RGS7: variants seen among roughly 807,000 people sequenced by gnomAD.
The protein encoded by RGS7 is regulator of G protein signaling 7.
RGS7 carries 27 observed loss-of-function variants against 81.1 expected under a neutral mutation model. The ratio of observed to expected loss-of-function variants is 0.33; its 90% CI spans 0.25 to 0.46. The LOEUF is 0.46. Among genes scored for constraint, RGS7 ranks in the 20% least tolerant of loss-of-function variants. The pLI is 1.00. For missense variants in RGS7, 396 were observed against 607.4 expected, an observed-to-expected ratio of 0.65 and a Z score of 3.66; for synonymous variants, 208 against 207.7, an observed-to-expected ratio of 1.00 and a Z score of -0.01.
At chr1:240,823,288 C>A (rs992239081) in intron 10 of RGS7, 63 of 618,574 alleles carry the variant, frequency 1.0e-4, no homozygotes, top group Non-Finnish European at 1.8e-4. Context: ...ACTGGCCCAA[C>A]CATAATAAAT....
intron 6 of RGS7, among the ~76,000 whole-genome samples, chr1:240,915,365 T>G (rs546786469): frequency 1.6e-4 from 24 of 152,300 alleles, no homozygotes; most frequent in African/African-American, 5.3e-4. Context: ...ACTGTGGGAC[T>G]GGGTCCTAAT....
At chr1:241,207,177 C>T (rs1043614293) in intron 2 of RGS7, among the ~76,000 whole-genome samples, 6 of 151,316 alleles carry the variant, frequency 4.0e-5, no homozygotes, top group African/African-American at 1.5e-4. Flanking sequence ...CCGTGTTAGC[C>T]AGGTTGGTCT....
At chr1:241,250,687 C>T (rs2076786863) in intron 2 of RGS7, among the ~76,000 whole-genome samples, 2 of 152,160 alleles carry the variant, frequency 1.3e-5, no homozygotes, top group South Asian at 2.1e-4. Flanking sequence ...GGCCTCTTGA[C>T]AAATGACTGT....
intron 2 of RGS7, among the ~76,000 whole-genome samples, chr1:241,344,298 A>G (rs1256039514): frequency 6.6e-6 from 1 of 152,230 alleles, no homozygotes; most frequent in Non-Finnish European, 1.5e-5. Context: ...TAAACAAAAT[A>G]TCAAGCCACT....
At chr1:241,276,402 A>G (rs1223685800) in intron 2 of RGS7, among the ~76,000 whole-genome samples, 4 of 152,260 alleles carry the variant, frequency 2.6e-5, no homozygotes, top group Non-Finnish European at 1.5e-5. Flanking sequence ...ACAACCATTC[A>G]TAGGCAGAGA....
At chr1:241,033,998 A>G (rs1380131096) in intron 3 of RGS7, among the ~76,000 whole-genome samples, 1 of 152,234 alleles carries the variant, frequency 6.6e-6, no homozygotes, top group Non-Finnish European at 1.5e-5. Flanking sequence ...TCCCACAATT[A>G]TTTGACCAAG....
chr1:240,980,829 C>G (rs1274016487), intron 4 of RGS7, among the ~76,000 whole-genome samples: 1 of 152,140 alleles, frequency 6.6e-6, no homozygotes, highest in Non-Finnish European at 1.5e-5. Flanking sequence ...AAATCAGAAA[C>G]TAATTTTTCA....
intron 6 of RGS7, among the ~76,000 whole-genome samples, chr1:240,893,063 C>T (rs538312436): frequency 6.6e-5 from 10 of 151,892 alleles, no homozygotes; most frequent in Admixed American, 2.0e-4. Flanking sequence ...GAACTAGGAA[C>T]GCTAAGATAA....
At chr1:241,253,360 A>G (rs1183886676) in intron 2 of RGS7, among the ~76,000 whole-genome samples, 1 of 152,208 alleles carries the variant, frequency 6.6e-6, no homozygotes, top group Non-Finnish European at 1.5e-5. Context: ...GTGGGGTTTT[A>G]TTCTACGTAG....
At chr1:240,979,977 T>C (rs1399084755) in intron 4 of RGS7, among the ~76,000 whole-genome samples, 2 of 152,200 alleles carry the variant, frequency 1.3e-5, no homozygotes, top group Admixed American at 1.3e-4. Flanking sequence ...TAGAAAGATA[T>C]ATTTTATAAA....
At chr1:241,306,107 ATTCT>A (rs753316319) in intron 2 of RGS7, among the ~76,000 whole-genome samples, 5 of 146,304 alleles carry the variant, frequency 3.4e-5, no homozygotes, top group Admixed American at 1.4e-4. Context: ...GAGTAGCTAT[ATTCT>A]TTCTCTCATC....
intron 2 of RGS7, among the ~76,000 whole-genome samples, chr1:241,247,768 A>G (rs1355149604): frequency 1.3e-5 from 2 of 152,230 alleles, no homozygotes; most frequent in Non-Finnish European, 2.9e-5. Context: ...GAAAATAATT[A>G]TAAGATATAT....
chr1:241,084,513 G>GA (rs2063322305), intron 3 of RGS7, among the ~76,000 whole-genome samples: 1 of 152,040 alleles, frequency 6.6e-6, no homozygotes, highest in Non-Finnish European at 1.5e-5. Context: ...GAACAGTGAG[G>GA]AAAAAATAGC....
At chr1:241,045,454 C>A (rs2060872955) in intron 3 of RGS7, among the ~76,000 whole-genome samples, 1 of 152,162 alleles carries the variant, frequency 6.6e-6, no homozygotes, top group Non-Finnish European at 1.5e-5. Flanking sequence ...ACCTCCGCCT[C>A]CCAGATTCAA....
intron 2 of RGS7, among the ~76,000 whole-genome samples, chr1:241,135,452 A>AGCAGC (rs2067438378): frequency 6.6e-6 from 1 of 152,160 alleles, no homozygotes; most frequent in African/African-American, 2.4e-5. Context: ...AAACAAAAAA[A>AGCAGC]GCAGCATGTT....
chr1:241,182,854 A>G lies in RGS7; in HGVS notation c.79-84092T>C, dbSNP rs141972516. ...GTTTGTTTGTTTGTTTGTTTGTTTT[A>G]GTAGAGACAGGGTTTCACCATGTTG... On this transcript the variant is annotated intron_variant, in intron 2 of 18. Transcript: ENST00000440928. Among the ~76,000 whole-genome samples the G allele has an allele frequency of 6.0e-5, 7 of 116,768 alleles. No individual in the cohort carries two copies. In the Admixed American group the frequency reaches 6.6e-4, roughly 11 times the overall value. 76.6% of individuals were successfully genotyped at this position (116,768 alleles called of 152,430 possible).
chr1:241,053,622 G>A (rs973394840), intron 3 of RGS7, among the ~76,000 whole-genome samples: 20 of 152,066 alleles, frequency 1.3e-4, no homozygotes, highest in African/African-American at 4.3e-4. Flanking sequence ...TATTATCATC[G>A]TAAGATTTTT....
At chr1:241,218,026 G>C (rs150750531) in intron 2 of RGS7, among the ~76,000 whole-genome samples, 1 of 152,226 alleles carries the variant, frequency 6.6e-6, no homozygotes, top group East Asian at 1.9e-4. Flanking sequence ...TACATAAATA[G>C]ATATATTTGT....
intron 9 of RGS7, among the ~76,000 whole-genome samples, chr1:240,862,900 T>A (rs1397983567): frequency 6.6e-6 from 1 of 151,954 alleles, no homozygotes; most frequent in East Asian, 1.9e-4. Flanking sequence ...TCTTTTTTTT[T>A]ACGAATAATT....
Sources: allele counts gnomAD v4.1 joint callset (sites outside exome capture counted in the v4.1 genomes callset), GRCh38; gene constraint gnomAD v4.1.1; transcripts MANE v1.5; gene names NCBI Gene and HGNC (gene_info 2026-07-23, HGNC 2026-07-21).